The following ZNF835 variants were observed in gnomAD, a reference collection of about 807,000 sequenced individuals.
ZNF835 encodes the protein zinc finger protein 835.
For synonymous variants in ZNF835, 323 were observed against 324.7 expected, an observed-to-expected ratio of 0.99 and a Z score of 0.06; for missense variants, 783 against 758.4, an observed-to-expected ratio of 1.03 and a Z score of -0.38.
At chr19:56,665,528 C>A (rs898152790) in intron 1 of ZNF835, 2 of 565,328 alleles carry the variant, frequency 3.5e-6, no homozygotes, top group Non-Finnish European at 6.8e-6. Context: ...GTGGCTCATG[C>A]CTGCAATCCC....
At chr19:56,665,743 C>T (rs1453104827) in intron 1 of ZNF835, among the ~76,000 whole-genome samples, 3 of 152,192 alleles carry the variant, frequency 2.0e-5, no homozygotes, top group Admixed American at 6.5e-5. Flanking sequence ...GTTGAAGCTG[C>T]AGTGAGTAGT....
intron 1 of ZNF835, among the ~76,000 whole-genome samples, chr19:56,667,592 A>T (rs979624340): frequency 2.6e-5 from 4 of 152,226 alleles, no homozygotes; most frequent in African/African-American, 9.6e-5. Flanking sequence ...ACCAACTAGT[A>T]GGCTGTGTGC....
chr19:56,664,656 C>A lies in ZNF835; in HGVS notation c.543G>T (p.Leu181=). The A allele has an allele frequency of 6.2e-7, 1 of 1,610,354 alleles. No individual in the cohort carries two copies. The highest frequency in any genetic ancestry group is 8.5e-7 in the Non-Finnish European group (1 of 1,178,522). ...CCGTGTGCGTGCGCCAGTGGGACGC[C>A]AGGTACGAGCCCTGGCTGAAGGCCT... is the stretch of plus-strand genomic sequence containing the variant. ...CGKAFSQGSY[L]ASHWRTHTGE... is the part of the protein sequence containing the mutation. The change falls in exon 2 of 2, where the codon CTG becomes CTT. Residue 181 remains leucine, a synonymous_variant. Transcript: ENST00000537055.
In ZNF835 at chr19:56,664,369, G is replaced by T; in HGVS notation, c.830C>A (p.Pro277His). Residue 277 changes from proline (P) to histidine (H), a missense_variant, in exon 2 of 2, where the codon CCC becomes CAC. By Grantham distance (77) the Pro-to-His change is moderately conservative. Coordinates refer to ENST00000537055, the MANE Select transcript of ZNF835 (RefSeq NM_001005850.3). ...RHQRIHTEEK[P>H]YRCGQCAKAF... ...CTTGGCGCACTGGCCGCAGCGGTAG[G>T]GCTTCTCCTCCGTGTGGATGCGCTG... 6.2e-7 allele frequency: 1 copy of T among 1,610,038 alleles called. No individual in the cohort carries two copies. The highest frequency in any genetic ancestry group is 8.5e-7 in the Non-Finnish European group (1 of 1,178,312).
intron 1 of ZNF835, among the ~76,000 whole-genome samples, chr19:56,668,065 T>C (rs1287314317): frequency 6.6e-6 from 1 of 151,178 alleles, no homozygotes; most frequent in Non-Finnish European, 1.5e-5. Flanking sequence ...TGGCACAATG[T>C]TGGCTCACTG....
intron 1 of ZNF835, among the ~76,000 whole-genome samples, chr19:56,666,664 G>GA (rs1382418361): frequency 1.3e-5 from 2 of 152,180 alleles, no homozygotes; most frequent in Non-Finnish European, 2.9e-5. Context: ...CTTTTCTGGG[G>GA]AAAAATCAGT....
In ZNF835 at chr19:56,662,231, G is replaced by A. The variant is rs11880146; in HGVS notation, c.*1354C>T. On this transcript the variant is annotated 3_prime_UTR_variant, in exon 2 of 2. Transcript: ENST00000537055. ...CACCTCCCTGAGAACACACCCAGGT[G>A]AGATGTGAGTCAGGAGAAGAAGATC... 9,622 of 152,252 alleles carry A rather than the reference G, an allele frequency of 0.063. 663 individuals are homozygous for A. Among genetic ancestry groups the A allele is most frequent in the African/African-American group, 0.17 (7,178 of 41,492 alleles). 9.4% of individuals were successfully genotyped at this position (152,252 alleles called of 1,614,324 possible).
chr19:56,664,225 C>G lies in ZNF835; in HGVS notation c.974G>C (p.Arg325Pro), dbSNP rs566502597. ...GGGCTTCTCGCCTGTGTGGATGCGCCGGTGCTCGGCCAGAGAGGCGCTCTG... is the reference window on the plus strand; with the variant it reads ...GGGCTTCTCGCCTGTGTGGATGCGCGGGTGCTCGGCCAGAGAGGCGCTCTG... ...FSQSASLAEH[R>P]RIHTGEKPYA... Residue 325 changes from arginine to proline, a missense_variant, in exon 2 of 2, where the codon CGG becomes CCG. By Grantham distance (103) the Arg-to-Pro change is moderately radical (BLOSUM62 -2). Transcript: ENST00000537055. 1.3e-6 allele frequency: 2 copies of G among 1,594,568 alleles called. No homozygotes were observed. The highest frequency in any genetic ancestry group is 1.4e-5 in the African/African-American group (1 of 72,302).
intron 1 of ZNF835, among the ~76,000 whole-genome samples, chr19:56,668,316 C>A (rs1464944725): frequency 6.6e-6 from 1 of 151,580 alleles, no homozygotes; most frequent in Non-Finnish European, 1.5e-5. Context: ...TGTTTCTAAG[C>A]CACCAGAGTA....
At position 56,664,536 on chromosome 19, in the gene ZNF835, G is replaced by C; in HGVS notation, c.663C>G (p.Pro221=). 6.2e-7 allele frequency: 1 copy of C among 1,609,648 alleles called. No individual in the cohort carries two copies. Among genetic ancestry groups the C allele is most frequent in the Non-Finnish European group, 8.5e-7 (1 of 1,177,778 alleles). The part of the protein sequence containing the change: ...QHRRVHTGER[P]YACAQCAKAF... ...CCTTGGCGCACTGGGCGCACGCGTA[G>C]GGCCGCTCGCCCGTGTGCACGCGCC... The change falls in exon 2 of 2, where the codon CCC becomes CCG. Residue 221 remains proline (P), a synonymous_variant. Coordinates refer to ENST00000537055, the MANE Select transcript of ZNF835 (RefSeq NM_001005850.3).
In ZNF835 at chr19:56,671,589, T is replaced by G. The variant is rs1222906055; in HGVS notation, c.-61A>C. 1.3e-5 allele frequency: 2 copies of G among 152,508 alleles called. No homozygotes were observed. Among genetic ancestry groups the G allele is most frequent in the African/African-American group, 4.8e-5 (2 of 41,466 alleles). The allele number at this position is 152,508 out of a possible 1,614,324, so 9.4% of individuals were successfully genotyped here. On this transcript the variant is annotated 5_prime_UTR_variant, in exon 1 of 2. Coordinates refer to ENST00000537055, the MANE Select transcript of ZNF835 (RefSeq NM_001005850.3). ...CACACTACACACCGTTGCTCTCGCC[T>G]CCCGGTATCACCTTCGAACGCGCTG...
At position 56,665,017 on chromosome 19, in the gene ZNF835, G is replaced by A; in HGVS notation, c.182C>T (p.Pro61Leu). The change falls in exon 2 of 2, where the codon CCA becomes CTA. Residue 61 changes from proline (P) to leucine (L), a missense_variant. Physicochemically the swap from Pro to Leu is moderately conservative, Grantham distance 98. Transcript: ENST00000537055. The stretch of plus-strand genomic sequence containing the variant: ...AGCAGCAGGGCTCGATATGGTTCTT[G>A]GGATTCGGCTGAATTCATCGCGTTC... Reference protein sequence around the residue: ...MQERDEFSRIPRTISSPAATQ... With the variant: ...MQERDEFSRILRTISSPAATQ... 1 of 1,614,042 alleles carries A rather than the reference G, an allele frequency of 6.2e-7. No individual in the cohort carries two copies. The highest frequency in any genetic ancestry group is 1.1e-5 in the South Asian group (1 of 91,092).
intron 1 of ZNF835, among the ~76,000 whole-genome samples, chr19:56,669,170 C>T (rs889471921): frequency 6.6e-5 from 10 of 152,288 alleles, no homozygotes; most frequent in Middle Eastern, 6.8e-3. Context: ...TCATTGAACT[C>T]AGGGACATGC....
chr19:56,662,804 C>A lies in ZNF835; in HGVS notation c.*781G>T, dbSNP rs2045195997. Reference sequence around the variant, plus strand: ...CTTTGGGATGCCAAGGCAGGCAGATCGCCTGATGTTAGGAGTTCGAGACAG... The same window carrying A: ...CTTTGGGATGCCAAGGCAGGCAGATAGCCTGATGTTAGGAGTTCGAGACAG... On this transcript the variant is annotated 3_prime_UTR_variant, in exon 2 of 2. Coordinates refer to ENST00000537055, the MANE Select transcript of ZNF835 (RefSeq NM_001005850.3). 1 of 152,220 alleles carries A rather than the reference C, an allele frequency of 6.6e-6. No individual in the cohort carries two copies. Among genetic ancestry groups the A allele is most frequent in the African/African-American group, 2.4e-5 (1 of 41,456 alleles). The allele number at this position is 152,220 out of a possible 1,614,324, so 9.4% of individuals were successfully genotyped here. A position where few individuals can be genotyped will look rare whatever the true frequency, so the allele number is the denominator to read the frequency against.
In ZNF835 at chr19:56,663,880, T is replaced by C. The variant is rs746562833; in HGVS notation, c.1319A>G (p.His440Arg). The change falls in exon 2 of 2, where the codon CAC (histidine) becomes CGC (arginine). Residue 440 changes from histidine to arginine, a missense_variant. His to Arg is a conservative substitution (Grantham distance 29). Transcript: ENST00000537055. ...GSSLALHQRT[H>R]TGERPYTCPE... is the part of the protein sequence containing the mutation. ...GCAGGTGTAGGGCCGCTCGCCCGTG[T>C]GCGTGCGCTGGTGCAGGGCGAGCGA... 1.9e-5 allele frequency: 30 copies of C among 1,613,012 alleles called. No individual in the cohort carries two copies. Among genetic ancestry groups the C allele is most frequent in the Non-Finnish European group, 2.4e-5 (28 of 1,179,832 alleles).
chr19:56,670,169 A>G (rs2148059147), intron 1 of ZNF835, among the ~76,000 whole-genome samples: 1 of 152,080 alleles, frequency 6.6e-6, no homozygotes, highest in East Asian at 1.9e-4. Context: ...ATTAGCATAA[A>G]CACAGGTGTG....
chr19:56,663,939 G>A lies in ZNF835; in HGVS notation c.1260C>T (p.Cys420=), dbSNP rs112794314. Residue 420 remains cysteine, a synonymous_variant, in exon 2 of 2, where the codon TGC becomes TGT. Transcript: ENST00000537055. ...GGCTGAAAGCTTTGCCGCACTCGCC[G>A]CACTTGTAGGGCCGCTCTCCGGTGT... ...KIHTGERPYK[C]GECGKAFSQG... 7,126 of 1,613,000 alleles carry A rather than the reference G, an allele frequency of 4.4e-3. 51 individuals are homozygous for A. Among genetic ancestry groups the A allele is most frequent in the South Asian group, 6.0e-3 (545 of 91,074 alleles).
Position 56,663,878 on chromosome 19 carries a change from T to A in ZNF835, c.1321A>T (p.Thr441Ser). 1.2e-6 allele frequency: 2 copies of A among 1,612,952 alleles called. No individual in the cohort carries two copies. The highest frequency in any genetic ancestry group is 2.2e-5 in the South Asian group (2 of 91,050). Reference sequence around the variant, plus strand: ...GGGCAGGTGTAGGGCCGCTCGCCCGTGTGCGTGCGCTGGTGCAGGGCGAGC... The same window carrying A: ...GGGCAGGTGTAGGGCCGCTCGCCCGAGTGCGTGCGCTGGTGCAGGGCGAGC... ...SSLALHQRTH[T>S]GERPYTCPEC... is the part of the protein sequence containing the mutation. The change falls in exon 2 of 2, where the codon ACG (threonine) becomes TCG (serine). Residue 441 changes from threonine to serine, a missense_variant. By Grantham distance (58) the Thr-to-Ser change is moderately conservative (BLOSUM62 1). Coordinates refer to ENST00000537055, the MANE Select transcript of ZNF835 (RefSeq NM_001005850.3).
intron 1 of ZNF835, among the ~76,000 whole-genome samples, chr19:56,671,232 A>G (rs1417084633): frequency 1.3e-5 from 2 of 151,582 alleles, no homozygotes; most frequent in Non-Finnish European, 2.9e-5. Flanking sequence ...CCGTCGAGTG[A>G]GCAGGTGCAG....
Sources: allele counts gnomAD v4.1 joint callset (sites outside exome capture counted in the v4.1 genomes callset), GRCh38; gene constraint gnomAD v4.1.1; transcripts MANE v1.5; gene names NCBI Gene and HGNC (gene_info 2026-07-23, HGNC 2026-07-21).